The following LIG3 variants were observed in gnomAD, a reference collection of about 807,000 sequenced individuals.
LIG3 encodes the protein ligase II, DNA, ATP-dependent.
LIG3 carries 58 observed loss-of-function variants against 110.9 expected under a neutral mutation model. That is an observed-to-expected ratio of 0.52 (90% CI 0.42 to 0.65). The LOEUF is 0.65. Among genes scored for constraint, LIG3 ranks in the 30% least tolerant of loss-of-function variants. LIG3 has a pLI of 0.00. For missense variants in LIG3, 1,094 were observed against 1,273.8 expected (o/e 0.86, Z 2.15); for synonymous variants, 422 against 472.8 (o/e 0.89, Z 1.39).
intron 2 of LIG3, 39 bp downstream of exon 2, chr17:34,983,591 TGA>T: frequency 3.2e-6 from 5 of 1,561,854 alleles, no homozygotes; most frequent in African/African-American, 1.4e-5. Context: ...TTACTGGTGC[TGA>T]GAGAAAAAGG....
intron 2 of LIG3, among the ~76,000 whole-genome samples, chr17:34,985,585 C>T (rs2090646550): frequency 2.0e-5 from 3 of 152,206 alleles, no homozygotes; most frequent in African/African-American, 7.2e-5. Flanking sequence ...CTGTGATCCT[C>T]ATTTACTTTT....
At chr17:35,000,608 C>CTTTT (rs57663136) in intron 16 of LIG3, among the ~76,000 whole-genome samples, 36 of 80,416 alleles carry the variant, frequency 4.5e-4, no homozygotes, top group African/African-American at 5.8e-4. Context: ...TTGGGAGATA[C>CTTTT]TTTTTTTTTT....
chr17:34,996,944 T>C (rs1308818554), intron 11 of LIG3: 1 of 376,136 alleles, frequency 2.7e-6, no homozygotes, highest in East Asian at 4.6e-5. Context: ...GAAGTTTCTC[T>C]ACTAAAGCAA....
rs1299130197 is a variant in LIG3 at position 35,006,817 on chromosome 17, C to CG, written c.*2311_*2312insG. The CG allele has an allele frequency of 6.6e-6, 1 of 152,446 alleles. No individual in the cohort carries two copies. Among genetic ancestry groups the CG allele is most frequent in the Non-Finnish European group, 1.5e-5 (1 of 68,390 alleles). The allele number at this position is 152,446 out of a possible 1,614,324, so 9.4% of individuals were successfully genotyped here. A position where few individuals can be genotyped will look rare whatever the true frequency, so the allele number is the denominator to read the frequency against. ...TGCGCCCCCTGGCCACCCCACCGCC[C>CG]CCCCCCAACTTTGATCTGATTGACT... On this transcript the variant is annotated 3_prime_UTR_variant, in exon 20 of 20. Transcript: ENST00000378526.
In LIG3 at chr17:34,996,459, A is replaced by C. The variant is rs1160303834; in HGVS notation, c.1744-115A>C. ...TATGGCCCAGGGGCTTCAGAGCAGAAATAGTACTTTTTCATCCGGTGCCTC... is the reference window on the plus strand; with the variant it reads ...TATGGCCCAGGGGCTTCAGAGCAGACATAGTACTTTTTCATCCGGTGCCTC... On this transcript the variant is annotated intron_variant, in intron 10 of 19. Coordinates refer to ENST00000378526, the MANE Select transcript of LIG3 (RefSeq NM_013975.4). 6 of 920,664 alleles carry C rather than the reference A, an allele frequency of 6.5e-6. No individual in the cohort carries two copies. In the East Asian group the frequency reaches 1.4e-4, roughly 22 times the overall value. 57.0% of individuals were successfully genotyped at this position (920,664 alleles called of 1,614,324 possible). A position where few individuals can be genotyped will look rare whatever the true frequency, so the allele number is the denominator to read the frequency against.
intron 16 of LIG3, among the ~76,000 whole-genome samples, chr17:35,000,308 G>A (rs957720894): frequency 1.3e-5 from 2 of 152,248 alleles, no homozygotes; most frequent in African/African-American, 4.8e-5. Context: ...GCCCAGGCTG[G>A]AGTGCAATAG....
chr17:34,992,122 C>A (rs2090728583), intron 7 of LIG3, 87 bp downstream of exon 7: 1 of 1,183,568 alleles, frequency 8.4e-7, no homozygotes, highest in South Asian at 1.2e-5. Context: ...GAGTCCCAGT[C>A]AGGATTTGAA....
At chr17:34,987,037 G>A (rs2090663439) in intron 3 of LIG3, among the ~76,000 whole-genome samples, 1 of 152,224 alleles carries the variant, frequency 6.6e-6, no homozygotes, top group Non-Finnish European at 1.5e-5. Flanking sequence ...GGGGAGGACT[G>A]TGGCTATTAT....
chr17:34,999,051 T>G, intron 14 of LIG3: 1 of 518,344 alleles, frequency 1.9e-6, no homozygotes, highest in Admixed American at 3.4e-5. Flanking sequence ...ACTAATACTT[T>G]TAAGCAATCT....
intron 4 of LIG3, 108 bp from the exon 5 acceptor site, chr17:34,990,855 C>T (rs972989297): frequency 2.9e-6 from 3 of 1,042,276 alleles, no homozygotes; most frequent in African/African-American, 3.2e-5. Context: ...CTTCGGCCTC[C>T]CAAAGTGCTG....
chr17:34,999,984 G>A, intron 16 of LIG3, 128 bp downstream of exon 16: 1 of 686,798 alleles, frequency 1.5e-6, no homozygotes, highest in Non-Finnish European at 2.5e-6. Context: ...TTCCAGCTGA[G>A]TGATAGGCAC....
intron 10 of LIG3, 119 bp downstream of exon 10, chr17:34,996,314 C>T (rs760821442): frequency 9.2e-5 from 112 of 1,223,424 alleles, no homozygotes; most frequent in Non-Finnish European, 1.2e-4. Context: ...TTATTCTTCG[C>T]TTCTGACCTG....
chr17:34,980,719 C>A (rs1186875296), intron 1 of LIG3, 97 bp downstream of exon 1: 38 of 657,846 alleles, frequency 5.8e-5, no homozygotes, highest in Non-Finnish European at 6.8e-5. Context: ...GGGAGCCAGC[C>A]CCCCGGCTCC....
chr17:34,999,689 T>C (rs1458859635), intron 15 of LIG3, 93 bp from the exon 16 acceptor site: 8 of 1,264,708 alleles, frequency 6.3e-6, no homozygotes, highest in South Asian at 5.0e-5. Context: ...ATCAGCTGTT[T>C]AAGTGGCTTC....
At chr17:34,995,711 A>T (rs892496571) in intron 9 of LIG3, among the ~76,000 whole-genome samples, 4 of 152,034 alleles carry the variant, frequency 2.6e-5, no homozygotes, top group African/African-American at 9.7e-5. Flanking sequence ...CCTGATAGTC[A>T]CACATCTTCT....
intron 19 of LIG3, chr17:35,003,848 A>T (rs1390465998): frequency 6.0e-6 from 1 of 167,680 alleles, no homozygotes; most frequent in African/African-American, 2.4e-5. Context: ...TCCCAGCCTG[A>T]AGTCCTTGAA....
rs2090899909 is a variant in LIG3 at position 35,007,020 on chromosome 17, AG to A, written c.*2515del. 1 of 152,258 alleles carries A rather than the reference AG, an allele frequency of 6.6e-6. No homozygotes were observed. Among genetic ancestry groups the A allele is most frequent in the Admixed American group, 6.5e-5 (1 of 15,288 alleles). The allele number at this position is 152,258 out of a possible 1,614,324, so 9.4% of individuals were successfully genotyped here. A position where few individuals can be genotyped will look rare whatever the true frequency, so the allele number is the denominator to read the frequency against. On this transcript the variant is annotated 3_prime_UTR_variant, in exon 20 of 20. Coordinates refer to ENST00000378526, the MANE Select transcript of LIG3 (RefSeq NM_013975.4). ...TATTCCATCCTCTATGGAGACAAAA[AG>A]CTGCTCCTCCTTTGAGTACTGACCT...
At chr17:35,002,605 C>T (rs1190114622) in intron 18 of LIG3, 63 bp from the exon 19 acceptor site, 3 of 1,545,696 alleles carry the variant, frequency 1.9e-6, no homozygotes, top group Admixed American at 3.9e-5. Context: ...TTGAATTGAT[C>T]CTCCCGAGTA....
rs1205158007 is a variant in LIG3, at chr17:35,006,161, T to G, written c.*1655T>G. The G allele has an allele frequency of 1.2e-5, 2 of 162,152 alleles. No individual in the cohort carries two copies. The highest frequency in any genetic ancestry group is 2.7e-5 in the Non-Finnish European group (2 of 74,158). 10.0% of individuals were successfully genotyped at this position (162,152 alleles called of 1,614,324 possible). ...AAGAACAAAAGGAAGAGAGACAATT[T>G]AGTGTAGACAAGTGCTATTCAATAG... On this transcript the variant is annotated 3_prime_UTR_variant, in exon 20 of 20. Transcript: ENST00000378526.
Sources: gnomAD v4.1 joint callset for allele counts (sites outside exome capture counted in the v4.1 genomes callset) on GRCh38, gnomAD v4.1.1 for gene constraint, MANE v1.5 for transcripts, NCBI Gene and HGNC (gene_info 2026-07-23, HGNC 2026-07-21) for gene names.